The following PARD3B variants were observed in gnomAD, a reference collection of about 807,000 sequenced individuals.
PARD3B encodes par-3 family cell polarity regulator beta.
In PARD3B, 103 loss-of-function variants were observed where a neutral mutation model predicts 130.2. That is an observed-to-expected ratio of 0.79 (90% CI 0.67 to 0.93). The LOEUF is 0.93. Among genes scored for constraint, PARD3B ranks in the 40% least tolerant of loss-of-function variants. The probability of loss-of-function intolerance (pLI) is 0.00; values close to 1 mark genes in which losing one functional copy is unlikely to be tolerated. For synonymous variants in PARD3B, 583 were observed against 553.2 expected, an observed-to-expected ratio of 1.05 and a Z score of -0.76; for missense variants, 1,609 against 1,499.2, an observed-to-expected ratio of 1.07 and a Z score of -1.21.
chr2:204,746,598 C>A (rs557718369), intron 2 of PARD3B, among the ~76,000 whole-genome samples: 3 of 152,176 alleles, frequency 2.0e-5, no homozygotes, highest in Non-Finnish European at 4.4e-5. Context: ...CTCCCACCAA[C>A]GGTGTAAAAG....
At chr2:205,514,688 T>C (rs2050720032) in intron 21 of PARD3B, among the ~76,000 whole-genome samples, 1 of 152,070 alleles carries the variant, frequency 6.6e-6, no homozygotes, top group Non-Finnish European at 1.5e-5. Context: ...AACTCTTAAA[T>C]AAACATATTG....
intron 18 of PARD3B, among the ~76,000 whole-genome samples, chr2:205,354,229 T>TC (rs2044103412): frequency 6.6e-6 from 1 of 150,988 alleles, no homozygotes; most frequent in South Asian, 2.1e-4. Context: ...TTTTAAAAGT[T>TC]CCCCTGGTGG....
Position 204,996,434 on chromosome 2 carries a change from C to G in PARD3B, c.394+31111C>G, listed in dbSNP as rs925628420. 6.6e-5 allele frequency among the ~76,000 whole-genome samples: 10 copies of G among 152,190 alleles called. No individual in the cohort carries two copies. The East Asian group carries it at 9.7e-4, about 15-fold the overall frequency. The stretch of plus-strand genomic sequence containing the variant: ...GGACCCACTTGAGGAGGCAGTGTGC[C>G]GGTTCTCAGATCTCCAGCTGCGTGC... On this transcript the variant is annotated intron_variant, in intron 3 of 22. Coordinates refer to ENST00000406610, the MANE Select transcript of PARD3B (RefSeq NM_001302769.2).
chr2:205,034,080 AGTAGC>A (rs1697623172), intron 3 of PARD3B, among the ~76,000 whole-genome samples: 1 of 152,232 alleles, frequency 6.6e-6, no homozygotes, highest in Non-Finnish European at 1.5e-5. Flanking sequence ...CAAACCAGAC[AGTAGC>A]AACTTATTTA....
rs149405165 is a variant in PARD3B, at chr2:205,111,953, G to A, written c.594-1538G>A. 2.0e-5 allele frequency among the ~76,000 whole-genome samples: 3 copies of A among 151,990 alleles called. 1 individual carries two copies. In the East Asian group the frequency reaches 5.8e-4, roughly 29 times the overall value. On this transcript the variant is annotated intron_variant, in intron 5 of 22. Coordinates refer to ENST00000406610, the MANE Select transcript of PARD3B (RefSeq NM_001302769.2). ...AGTATATAAAACGTATTGCTTTTTT[G>A]TCTCTTGAAAGCCATACAACTTTCT...
intron 2 of PARD3B, among the ~76,000 whole-genome samples, chr2:204,698,616 C>T (rs2037731093): frequency 6.6e-6 from 1 of 151,386 alleles, no homozygotes; most frequent in Non-Finnish European, 1.5e-5. Flanking sequence ...TTGTCATAAA[C>T]GCTCATTATT....
At chr2:205,305,934 A>T (rs1574652439) in intron 18 of PARD3B, among the ~76,000 whole-genome samples, 1 of 152,236 alleles carries the variant, frequency 6.6e-6, no homozygotes. Context: ...ATTTTGTTAC[A>T]TGACAAAGGA....
chr2:204,861,785 C>T lies in PARD3B; in HGVS notation c.223-103367C>T, dbSNP rs974289522. ...GCAAGAGGGAAGCATGCAGATAAAA[C>T]GGCACAGAGACAGGTTCAGATAAGA... On this transcript the variant is annotated intron_variant, in intron 2 of 22. Coordinates refer to ENST00000406610, the MANE Select transcript of PARD3B (RefSeq NM_001302769.2). Among the ~76,000 whole-genome samples, 6 of 151,650 alleles carry T rather than the reference C, an allele frequency of 4.0e-5. No individual in the cohort carries two copies. In the East Asian group the frequency reaches 7.7e-4, roughly 20 times the overall value.
intron 21 of PARD3B, among the ~76,000 whole-genome samples, chr2:205,531,152 C>T (rs2051572685): frequency 6.6e-6 from 1 of 152,088 alleles, no homozygotes; most frequent in Non-Finnish European, 1.5e-5. Flanking sequence ...AGGTTTTTTT[C>T]ACCATAATTT....
At chr2:205,472,505 G>A (rs1009958075) in intron 20 of PARD3B, among the ~76,000 whole-genome samples, 2 of 151,994 alleles carry the variant, frequency 1.3e-5, no homozygotes, top group Admixed American at 6.6e-5. Flanking sequence ...AATATGCAAT[G>A]ATATATAACA....
chr2:204,547,485 A>G (rs1264868476), intron 1 of PARD3B, among the ~76,000 whole-genome samples: 1 of 152,208 alleles, frequency 6.6e-6, no homozygotes, highest in Non-Finnish European at 1.5e-5. Context: ...GTGTGTGTGC[A>G]CGTGCATATG....
intron 3 of PARD3B, among the ~76,000 whole-genome samples, chr2:205,042,548 G>A (rs1698468958): frequency 1.3e-5 from 2 of 151,650 alleles, no homozygotes; most frequent in Admixed American, 1.3e-4. Context: ...ACCCAATCAG[G>A]GACTCTTCTA....
chr2:204,965,247 A>G lies in PARD3B; in HGVS notation c.318A>G (p.Thr106=). ...ADRQSPDAFE[T]EVAAQLAAFK... ...GGCAGAGCCCAGATGCTTTTGAGAC[A>G]GAAGTGGCCGCCCAACTGGCCGCAT... Residue 106 remains threonine, a synonymous_variant, in exon 3 of 23, where the codon ACA becomes ACG. Transcript: ENST00000406610. 6.2e-7 allele frequency: 1 copy of G among 1,613,954 alleles called. No homozygotes were observed.
intron 3 of PARD3B, among the ~76,000 whole-genome samples, chr2:205,026,709 C>T (rs548811502): frequency 1.3e-5 from 2 of 152,268 alleles, no homozygotes; most frequent in South Asian, 4.2e-4. Context: ...CCATGGCACC[C>T]ATGATTCTAC....
intron 21 of PARD3B, among the ~76,000 whole-genome samples, chr2:205,521,979 C>T (rs1203430000): frequency 6.6e-6 from 1 of 151,962 alleles, no homozygotes; most frequent in East Asian, 1.9e-4. Context: ...CTGATAGATA[C>T]AGATATTTGG....
chr2:205,330,113 G>A (rs2043068443), intron 18 of PARD3B, among the ~76,000 whole-genome samples: 1 of 151,814 alleles, frequency 6.6e-6, no homozygotes, highest in Admixed American at 6.6e-5. Flanking sequence ...GGCTGAGGCG[G>A]GTGGATCACC....
At chr2:205,254,970 C>A (rs2040016009) in intron 16 of PARD3B, among the ~76,000 whole-genome samples, 1 of 152,048 alleles carries the variant, frequency 6.6e-6, no homozygotes, top group Non-Finnish European at 1.5e-5. Context: ...GGCCGAAGTT[C>A]AGTATTATTA....
chr2:204,840,303 AT>A (rs2044213149), intron 2 of PARD3B, among the ~76,000 whole-genome samples: 1 of 152,196 alleles, frequency 6.6e-6, no homozygotes, highest in Non-Finnish European at 1.5e-5. Flanking sequence ...CCTTAGCAAT[AT>A]TTTAGGAAAA....
chr2:205,573,880 A>T (rs2053648338), intron 22 of PARD3B, among the ~76,000 whole-genome samples: 1 of 152,218 alleles, frequency 6.6e-6, no homozygotes, highest in African/African-American at 2.4e-5. Context: ...CTCTGTCGGC[A>T]CTTAAAATCC....
Sources: allele counts gnomAD v4.1 joint callset (sites outside exome capture counted in the v4.1 genomes callset), GRCh38; gene constraint gnomAD v4.1.1; transcripts MANE v1.5; gene names NCBI Gene and HGNC (gene_info 2026-07-23, HGNC 2026-07-21).